NUP210L: variants seen among roughly 807,000 people sequenced by gnomAD.
NUP210L encodes nuclear pore membrane glycoprotein 210-like.
NUP210L carries 74 observed loss-of-function variants against 208.5 expected under a neutral mutation model. That is an observed-to-expected ratio of 0.35 (90% confidence interval 0.29 to 0.43). The LOEUF is 0.43. NUP210L is among the 20% of genes least tolerant of loss of function. The pLI is 1.00. For missense variants in NUP210L, 1,843 were observed against 2,289.4 expected, an observed-to-expected ratio of 0.81 and a Z score of 3.98; for synonymous variants, 780 against 816.9, an observed-to-expected ratio of 0.95 and a Z score of 0.77.
chr1:154,094,006 G>A (rs1656060687), intron 15 of NUP210L, among the ~76,000 whole-genome samples: 1 of 152,060 alleles, frequency 6.6e-6, no homozygotes, highest in Admixed American at 6.6e-5. Context: ...AAAAATGGCT[G>A]GGCATGGTTG....
intron 12 of NUP210L, among the ~76,000 whole-genome samples, chr1:154,113,719 G>A (rs561679753): frequency 3.9e-5 from 6 of 151,916 alleles, no homozygotes; most frequent in South Asian, 2.1e-4. Context: ...TTAGCCAGGC[G>A]TGGTGGCACG....
At chr1:154,056,710 G>A in intron 23 of NUP210L, 105 bp downstream of exon 23, 1 of 1,219,036 alleles carries the variant, frequency 8.2e-7, no homozygotes, top group South Asian at 1.7e-5. Context: ...GTGAGCCACT[G>A]TGCCCAGCCA....
At chr1:154,130,520 G>A (rs1047334438) in intron 7 of NUP210L, among the ~76,000 whole-genome samples, 17 of 150,880 alleles carry the variant, frequency 1.1e-4, no homozygotes, top group Non-Finnish European at 1.6e-4. Flanking sequence ...TGATCCACCC[G>A]CCTCAGCCTC....
At chr1:154,056,380 T>C (rs940500635) in intron 23 of NUP210L, among the ~76,000 whole-genome samples, 2 of 152,196 alleles carry the variant, frequency 1.3e-5, no homozygotes, top group African/African-American at 2.4e-5. Flanking sequence ...ATACTGCATG[T>C]TGTGCAAGAG....
intron 8 of NUP210L, 136 bp from the exon 9 acceptor site, chr1:154,127,553 CTTTTTTTTTTT>C (rs10531787): frequency 4.9e-5 from 9 of 184,826 alleles, no homozygotes; most frequent in Non-Finnish European, 8.6e-5. Flanking sequence ...AAAGTAGGTT[CTTTTTTTTTTT>C]TTTTTTTTTT....
chr1:154,039,423 G>A (rs369927034), intron 27 of NUP210L, among the ~76,000 whole-genome samples: 10 of 151,286 alleles, frequency 6.6e-5, no homozygotes, highest in Admixed American at 2.6e-4. Flanking sequence ...TAGTAGAGAC[G>A]GGGGGTTTCA....
chr1:154,016,524 A>C (rs1394071088), intron 33 of NUP210L, among the ~76,000 whole-genome samples: 2 of 152,014 alleles, frequency 1.3e-5, no homozygotes. Context: ...AATCATTCCC[A>C]ATCCACTATT....
At chr1:153,995,601 C>T (rs1050381903) in intron 37 of NUP210L, 1 of 867,232 alleles carries the variant, frequency 1.2e-6, no homozygotes, top group Admixed American at 1.7e-5. Flanking sequence ...ACTTCTTCCT[C>T]TTCCAGGGAC....
chr1:154,034,530 T>C (rs1423609214), intron 27 of NUP210L, among the ~76,000 whole-genome samples: 2 of 152,254 alleles, frequency 1.3e-5, no homozygotes, highest in Admixed American at 6.5e-5. Flanking sequence ...GGTTTCTTCA[T>C]GTTGGCCAGG....
chr1:154,000,832 TA>T (rs1435885134), intron 37 of NUP210L, 23 bp downstream of exon 37: 1 of 1,591,044 alleles, frequency 6.3e-7, no homozygotes, highest in South Asian at 1.1e-5. Context: ...CTCTAGATTA[TA>T]AATAGGAATC....
chr1:153,997,262 C>T (rs1325255731), intron 37 of NUP210L, among the ~76,000 whole-genome samples: 1 of 143,710 alleles, frequency 7.0e-6, no homozygotes. Context: ...TCGCGCTGGC[C>T]TTTTTTTTTT....
intron 7 of NUP210L, among the ~76,000 whole-genome samples, chr1:154,134,513 A>G (rs1364324293): frequency 6.8e-6 from 1 of 147,888 alleles, no homozygotes; most frequent in African/African-American, 2.5e-5. Flanking sequence ...CGAGGCGGGC[A>G]GATCACAAGG....
At chr1:154,013,067 C>T (rs1464057649) in intron 33 of NUP210L, among the ~76,000 whole-genome samples, 1 of 143,268 alleles carries the variant, frequency 7.0e-6, no homozygotes, top group Non-Finnish European at 1.5e-5. Flanking sequence ...CAGAGCGAGA[C>T]TCCAAAAAAA....
intron 29 of NUP210L, among the ~76,000 whole-genome samples, chr1:154,026,409 C>T (rs949707367): frequency 1.1e-4 from 16 of 152,110 alleles, no homozygotes; most frequent in African/African-American, 3.6e-4. Flanking sequence ...AGTTCAATGG[C>T]GTGATCTTGG....
chr1:154,002,133 T>C, intron 35 of NUP210L, 148 bp from the exon 36 acceptor site: 1 of 747,208 alleles, frequency 1.3e-6, no homozygotes, highest in Non-Finnish European at 2.1e-6. Flanking sequence ...ATCAGCACAA[T>C]ATTGGCCACT....
At chr1:154,142,356 A>C (rs1162858127) in intron 3 of NUP210L, among the ~76,000 whole-genome samples, 1 of 151,984 alleles carries the variant, frequency 6.6e-6, no homozygotes, top group Non-Finnish European at 1.5e-5. Context: ...GTCCCACCTA[A>C]ATTTTTTTTT....
chr1:153,994,485 T>C (rs1649704863), intron 38 of NUP210L, among the ~76,000 whole-genome samples: 1 of 151,476 alleles, frequency 6.6e-6, no homozygotes, highest in Non-Finnish European at 1.5e-5. Context: ...TAATTTTTGT[T>C]ATTTTTAGTA....
At chr1:154,123,872 T>C (rs1657739778) in intron 10 of NUP210L, among the ~76,000 whole-genome samples, 1 of 139,916 alleles carries the variant, frequency 7.1e-6, no homozygotes, top group Non-Finnish European at 1.5e-5. Context: ...AGTGAGACTG[T>C]CTCAATTAAA....
At chr1:153,995,882 G>T in intron 37 of NUP210L, 1 of 561,948 alleles carries the variant, frequency 1.8e-6, no homozygotes, top group South Asian at 1.4e-5. Flanking sequence ...TTCGTGACTG[G>T]ATCAAGTGTG....
Sources: allele counts gnomAD v4.1 joint callset (sites outside exome capture counted in the v4.1 genomes callset), GRCh38; gene constraint gnomAD v4.1.1; transcripts MANE v1.5; gene names NCBI Gene and HGNC (gene_info 2026-07-23, HGNC 2026-07-21).